SYT13: variants seen among roughly 807,000 people sequenced by gnomAD.
SYT13 encodes the protein synaptotagmin 13.
Under a neutral mutation model 38.6 loss-of-function variants are expected in SYT13, and 21 were observed. That is an observed-to-expected ratio of 0.54 (90% CI 0.39 to 0.78). The LOEUF (loss-of-function observed/expected upper bound fraction) is 0.78. SYT13 is among the 30% of genes least tolerant of loss of function. SYT13 has a pLI of 0.00. For synonymous variants in SYT13, 241 were observed against 237.6 expected (o/e 1.01, Z -0.13); for missense variants, 495 against 548.7 (o/e 0.90, Z 0.98).
intron 1 of SYT13, among the ~76,000 whole-genome samples, chr11:45,270,022 C>T (rs1854930360): frequency 6.6e-6 from 1 of 152,184 alleles, no homozygotes; most frequent in South Asian, 2.1e-4. Flanking sequence ...ACTCCAGCCA[C>T]CCTACCCTTA....
At chr11:45,272,032 C>T (rs371669932) in intron 1 of SYT13, among the ~76,000 whole-genome samples, 20 of 152,168 alleles carry the variant, frequency 1.3e-4, no homozygotes, top group African/African-American at 4.6e-4. Context: ...GGAATGAGAT[C>T]ATGTCCTTTG....
intron 1 of SYT13, among the ~76,000 whole-genome samples, chr11:45,280,787 T>C (rs1855062010): frequency 6.6e-6 from 1 of 152,230 alleles, no homozygotes. Context: ...AATGATTTAA[T>C]TCAAAACACT....
intron 1 of SYT13, among the ~76,000 whole-genome samples, chr11:45,259,548 C>T (rs1436087252): frequency 2.0e-5 from 3 of 152,110 alleles, no homozygotes; most frequent in South Asian, 4.1e-4. Context: ...TTAAAATGCA[C>T]CCCTAGAGCA....
Position 45,244,492 on chromosome 11 carries a change from T to C in SYT13, c.977-136A>G, listed in dbSNP as rs3740780. On this transcript the variant is annotated intron_variant, in intron 5 of 5. Coordinates refer to ENST00000020926, the MANE Select transcript of SYT13 (RefSeq NM_020826.3). ...AGAGTTCGGACATCTGTGCCCCATA[T>C]ACCCAAACATCTTAGAGGCCTCAGT... 3.5e-4 allele frequency: 363 copies of C among 1,045,388 alleles called. 6 individuals carry two copies. In the East Asian group the frequency reaches 9.0e-3, roughly 26 times the overall value. The allele number at this position is 1,045,388 out of a possible 1,614,324, so 64.8% of individuals were successfully genotyped here. A position where few individuals can be genotyped will look rare whatever the true frequency, so the allele number is the denominator to read the frequency against.
Position 45,286,059 on chromosome 11 carries a change from T to C in SYT13, c.149A>G (p.Lys50Arg), listed in dbSNP as rs535976950. The C allele has an allele frequency of 6.2e-7, 1 of 1,609,742 alleles. No homozygotes were observed. The highest frequency in any genetic ancestry group is 8.5e-7 in the Non-Finnish European group (1 of 1,179,584). ...LPRDQDPDLE[K>R]AKPSLLGSAQ... ...AGACCCGAGCAAGCTGGGCTTCGCC[T>C]TCTCCAGGTCGGGGTCCTGGTCCCG... The change falls in exon 1 of 6, where the codon AAG becomes AGG. Residue 50 changes from lysine (K) to arginine (R), a missense_variant. Lys to Arg is a conservative substitution (Grantham distance 26). Coordinates refer to ENST00000020926, the MANE Select transcript of SYT13 (RefSeq NM_020826.3).
intron 1 of SYT13, among the ~76,000 whole-genome samples, chr11:45,271,787 C>A (rs188717180): frequency 2.4e-4 from 37 of 152,188 alleles, no homozygotes; most frequent in African/African-American, 8.2e-4. Flanking sequence ...GTTGGGGGAA[C>A]CATGTGCTGG....
At chr11:45,279,350 G>A (rs1322181058) in intron 1 of SYT13, among the ~76,000 whole-genome samples, 1 of 152,226 alleles carries the variant, frequency 6.6e-6, no homozygotes, top group Non-Finnish European at 1.5e-5. Context: ...AGGAGGACAA[G>A]TCAGGAGGAT....
chr11:45,254,063 G>A (rs560702997), intron 3 of SYT13: 1 of 458,786 alleles, frequency 2.2e-6, no homozygotes, highest in Non-Finnish European at 3.6e-6. Context: ...GAGAAAAAAC[G>A]TTTGTCAACC....
At position 45,252,804 on chromosome 11, in the gene SYT13, T is replaced by C; in HGVS notation, c.545-82A>G. On this transcript the variant is annotated intron_variant, in intron 3 of 5. Coordinates refer to ENST00000020926, the MANE Select transcript of SYT13 (RefSeq NM_020826.3). The surrounding 1 kb of genome is among the most constrained non-coding windows in gnomAD (Gnocchi z 4.3). ...CAGAAGCACGCCTTGCTTAGGGCTG[T>C]GGAATCCAGCTTAACGACGTGACCT... 6.9e-7 allele frequency: 1 copy of C among 1,443,198 alleles called. No homozygotes were observed. Among genetic ancestry groups the C allele is most frequent in the South Asian group, 1.6e-5 (1 of 63,516 alleles). 89.4% of individuals were successfully genotyped at this position (1,443,198 alleles called of 1,614,324 possible).
At chr11:45,254,724 T>A in intron 2 of SYT13, 1 of 221,336 alleles carries the variant, frequency 4.5e-6, no homozygotes, top group Non-Finnish European at 8.8e-6. Context: ...TGTCTCTTCT[T>A]CCCATATCTT....
Position 45,286,018 on chromosome 11 carries a change from C to T in SYT13, c.183+7G>A, listed in dbSNP as rs767949680. ...CCGGGAAGGGCCTGCGCGCCGCCCC[C>T]GCTCACCTGTTGTGCAGACCCGAGC... On this transcript the variant is annotated splice_region_variant and intron_variant, in intron 1 of 5. Coordinates refer to ENST00000020926, the MANE Select transcript of SYT13 (RefSeq NM_020826.3). 2 of 1,604,518 alleles carry T rather than the reference C, an allele frequency of 1.2e-6. No individual in the cohort carries two copies. The highest frequency in any genetic ancestry group is 1.7e-6 in the Non-Finnish European group (2 of 1,179,012).
chr11:45,260,376 T>C (rs1854800109), intron 1 of SYT13, among the ~76,000 whole-genome samples: 1 of 152,220 alleles, frequency 6.6e-6, no homozygotes, highest in African/African-American at 2.4e-5. Context: ...AATGCATCTA[T>C]ATTTGCACTT....
At chr11:45,259,845 C>T (rs763893359) in intron 1 of SYT13, among the ~76,000 whole-genome samples, 40 of 152,212 alleles carry the variant, frequency 2.6e-4, no homozygotes, top group Non-Finnish European at 4.9e-4. Flanking sequence ...CAAGGTGAGT[C>T]AGCCTTGGGG....
At chr11:45,274,125 A>G (rs1854982395) in intron 1 of SYT13, among the ~76,000 whole-genome samples, 1 of 152,210 alleles carries the variant, frequency 6.6e-6, no homozygotes, top group South Asian at 2.1e-4. Context: ...ATTTTAGCTC[A>G]GCATCTTGAT....
At chr11:45,249,328 G>A (rs539828020) in intron 4 of SYT13, among the ~76,000 whole-genome samples, 1 of 152,314 alleles carries the variant, frequency 6.6e-6, no homozygotes, top group African/African-American at 2.4e-5. Context: ...CAACCATTGT[G>A]GAAGACAGTG....
chr11:45,285,445 C>G (rs1227514822), intron 1 of SYT13, among the ~76,000 whole-genome samples: 1 of 152,130 alleles, frequency 6.6e-6, no homozygotes, highest in Admixed American at 6.5e-5. Context: ...AGGTTCCTCC[C>G]GGATTCAGCT....
rs552785031 is a variant in SYT13 at position 45,246,947 on chromosome 11, G to A, written c.847-435C>T. Among the ~76,000 whole-genome samples, 227 of 152,234 alleles carry A rather than the reference G, an allele frequency of 1.5e-3. 1 individual carries two copies. Among genetic ancestry groups the A allele is most frequent in the Middle Eastern group, 3.4e-3 (1 of 294 alleles). ...GGACCCATCAGGTTCCTGGGGCAGC[G>A]GGAGAATTGTAATTCATTACTATGT... On this transcript the variant is annotated intron_variant, in intron 4 of 5. Transcript: ENST00000020926.
chr11:45,274,964 A>C (rs1026443832), intron 1 of SYT13, among the ~76,000 whole-genome samples: 1 of 152,172 alleles, frequency 6.6e-6, no homozygotes, highest in Non-Finnish European at 1.5e-5. Flanking sequence ...GAAAGGAGAG[A>C]AACCTGTAAA....
chr11:45,260,019 C>G (rs1226146355), intron 1 of SYT13, among the ~76,000 whole-genome samples: 1 of 152,226 alleles, frequency 6.6e-6, no homozygotes, highest in Non-Finnish European at 1.5e-5. Flanking sequence ...TTGTGCCTTG[C>G]AGCCAAGAGC....
Sources: allele counts gnomAD v4.1 joint callset (sites outside exome capture counted in the v4.1 genomes callset), GRCh38; gene constraint gnomAD v4.1.1; non-coding constraint Gnocchi (gnomAD v3.1); transcripts MANE v1.5; gene names NCBI Gene and HGNC (gene_info 2026-07-23, HGNC 2026-07-21).